The following CCR5AS variants were observed in gnomAD, a reference collection of about 807,000 sequenced individuals.
CCR5AS encodes CCR5 antisense RNA.
At chr3:46,387,815 T>C (rs556818838) in intron 2 of CCR5AS, among the ~76,000 whole-genome samples, 2 of 152,076 alleles carry the variant, frequency 1.3e-5, no homozygotes, top group East Asian at 3.9e-4. Flanking sequence ...ATGGGGCGGT[T>C]TTATAGGATT....
intron 1 of CCR5AS, among the ~76,000 whole-genome samples, chr3:46,394,373 C>T (rs931030808): frequency 2.6e-5 from 4 of 152,148 alleles, no homozygotes; most frequent in South Asian, 2.1e-4. Flanking sequence ...CAGATTTCGG[C>T]GACTTACTCC....
chr3:46,383,656 G>A (rs1025732956), intron 2 of CCR5AS, among the ~76,000 whole-genome samples: 1 of 152,156 alleles, frequency 6.6e-6, no homozygotes, highest in African/African-American at 2.4e-5. Context: ...GGGATGGGAA[G>A]TGTTTCCTCC....
At chr3:46,400,699 AGCCACCAGGATGATGTGGGAAAC>A (rs1182193655) in intron 1 of CCR5AS, among the ~76,000 whole-genome samples, 1 of 152,240 alleles carries the variant, frequency 6.6e-6, no homozygotes, top group Non-Finnish European at 1.5e-5. Context: ...TGGACAACTA[AGCCACCAGGATGATGTGGGAAAC>A]TGGGGTGAAT....
At chr3:46,395,762 G>C (rs1440251879) in intron 1 of CCR5AS, among the ~76,000 whole-genome samples, 1 of 150,348 alleles carries the variant, frequency 6.7e-6, no homozygotes, top group South Asian at 2.1e-4. Context: ...TGAAGGTCCT[G>C]GTTCTGCCCC....
intron 1 of CCR5AS, among the ~76,000 whole-genome samples, chr3:46,399,711 A>C (rs1701990570): frequency 6.6e-6 from 1 of 152,282 alleles, no homozygotes; most frequent in Middle Eastern, 3.4e-3. Flanking sequence ...AAAAATGTAG[A>C]CATACCACAG....
In CCR5AS at chr3:46,396,699, C is replaced by T. The variant is rs550543087; in HGVS notation, n.164-3647G>A. 1.6e-4 allele frequency among the ~76,000 whole-genome samples: 24 copies of T among 152,294 alleles called. 1 individual carries two copies. The South Asian group carries it at 5.0e-3, about 32-fold the overall frequency. ...GGATTGCAGAGGCCTAGCGCCCTCCCCTCAATTCCTAATTCCTTGTAGGAA... is the reference window on the plus strand; with the variant it reads ...GGATTGCAGAGGCCTAGCGCCCTCCTCTCAATTCCTAATTCCTTGTAGGAA... On this transcript the variant is annotated intron_variant and non_coding_transcript_variant, in intron 1 of 3. Coordinates refer to ENST00000451485, the Ensembl canonical transcript of CCR5AS.
rs149950553 is a variant in CCR5AS at position 46,398,891 on chromosome 3, A to C, written n.164-5839T>G. ...CCATAGGATTGGGAAACCCAGTAGG[A>C]TTGGGTTTAGGCATATCTCTAAAGC... is the stretch of plus-strand genomic sequence containing the variant. On this transcript the variant is annotated intron_variant and non_coding_transcript_variant, in intron 1 of 3. Transcript: ENST00000451485. Among the ~76,000 whole-genome samples the C allele has an allele frequency of 5.5e-4, 84 of 152,190 alleles. 1 individual carries two copies. The East Asian group carries it at 0.014, about 24-fold the overall frequency.
At chr3:46,382,487 G>A (rs2106762157) in intron 2 of CCR5AS, among the ~76,000 whole-genome samples, 1 of 152,296 alleles carries the variant, frequency 6.6e-6, no homozygotes, top group East Asian at 1.9e-4. Context: ...TCATGTGTTA[G>A]CATCCTTGAT....
At position 46,393,929 on chromosome 3, in the gene CCR5AS, A is replaced by G. The variant is rs563036224; in HGVS notation, n.164-877T>C. ...TTCCCTCCTGAACTGCACTTTTTCT[A>G]GAACCCATTTAATCCTTCCTAACAT... On this transcript the variant is annotated intron_variant and non_coding_transcript_variant, in intron 1 of 3. Transcript: ENST00000451485. 2.6e-5 allele frequency among the ~76,000 whole-genome samples: 4 copies of G among 152,344 alleles called. No homozygotes were observed. The South Asian group carries it at 8.3e-4, about 32-fold the overall frequency.
Position 46,391,483 on chromosome 3 carries a change from A to G in CCR5AS, n.391+1342T>C, listed in dbSNP as rs536218734. Among the ~76,000 whole-genome samples the G allele has an allele frequency of 7.2e-5, 11 of 152,306 alleles. No homozygotes were observed. The South Asian group carries it at 8.3e-4, about 11-fold the overall frequency. ...TAATAAAATGCATATTGAGAATAAGACGGCCTTCTGGCACCTCTGGGTCTA... is the reference window on the plus strand; with the variant it reads ...TAATAAAATGCATATTGAGAATAAGGCGGCCTTCTGGCACCTCTGGGTCTA... On this transcript the variant is annotated intron_variant and non_coding_transcript_variant, in intron 2 of 3. Coordinates refer to ENST00000451485, the Ensembl canonical transcript of CCR5AS.
chr3:46,393,853 T>C (rs1250350624), intron 1 of CCR5AS, among the ~76,000 whole-genome samples: 1 of 152,232 alleles, frequency 6.6e-6, no homozygotes, highest in Admixed American at 6.5e-5. Flanking sequence ...CCTTCTGATA[T>C]CTCAGGGTTA....
At chr3:46,405,589 C>A (rs1378904845) in intron 1 of CCR5AS, among the ~76,000 whole-genome samples, 1 of 152,068 alleles carries the variant, frequency 6.6e-6, no homozygotes, top group Non-Finnish European at 1.5e-5. Context: ...ACTGCTGATC[C>A]CAGGCTGTAG....
At chr3:46,387,660 A>ATT (rs1407976767) in intron 2 of CCR5AS, among the ~76,000 whole-genome samples, 1 of 152,096 alleles carries the variant, frequency 6.6e-6, no homozygotes, top group Non-Finnish European at 1.5e-5. Flanking sequence ...GAGAAGGAGG[A>ATT]TTTCTTGAGC....
At chr3:46,380,641 C>T (rs11575820) in intron 2 of CCR5AS, among the ~76,000 whole-genome samples, 7,565 of 152,274 alleles carry the variant, frequency 0.05, 619 homozygotes, top group African/African-American at 0.17. Context: ...CCCAGTGGCA[C>T]GCCAGCGATG....
intron 1 of CCR5AS, among the ~76,000 whole-genome samples, chr3:46,405,685 G>A (rs897861225): frequency 6.6e-6 from 1 of 152,136 alleles, no homozygotes; most frequent in African/African-American, 2.4e-5. Flanking sequence ...GGCACTTACA[G>A]CTTAGGTTCC....
intron 2 of CCR5AS, among the ~76,000 whole-genome samples, chr3:46,377,191 C>T (rs1199608636): frequency 6.6e-6 from 1 of 152,194 alleles, no homozygotes; most frequent in Non-Finnish European, 1.5e-5. Context: ...TATTAAATGT[C>T]TTCCAACGTT....
chr3:46,406,717 A>T (rs1193743437), intron 1 of CCR5AS, among the ~76,000 whole-genome samples: 3 of 151,924 alleles, frequency 2.0e-5, no homozygotes, highest in Non-Finnish European at 4.4e-5. Context: ...TGCTTTCCTC[A>T]GTGTTGACAC....
At chr3:46,403,596 G>A (rs556524294) in intron 1 of CCR5AS, among the ~76,000 whole-genome samples, 2 of 152,334 alleles carry the variant, frequency 1.3e-5, no homozygotes, top group South Asian at 4.1e-4. Flanking sequence ...CTCCCCAGCT[G>A]ATCCACCCTT....
At chr3:46,386,161 C>T (rs945800750) in intron 2 of CCR5AS, among the ~76,000 whole-genome samples, 6 of 152,114 alleles carry the variant, frequency 3.9e-5, no homozygotes, top group African/African-American at 1.4e-4. Flanking sequence ...GGTGATCAGC[C>T]TGCCTCCACC....
Sources: allele counts gnomAD v4.1 joint callset (sites outside exome capture counted in the v4.1 genomes callset), GRCh38; gene constraint gnomAD v4.1.1; transcripts MANE v1.5; gene names NCBI Gene and HGNC (gene_info 2026-07-23, HGNC 2026-07-21).